Variants in XKR4 observed in about 807,000 individuals in gnomAD.
XKR4 encodes XK-related protein 4.
In XKR4, 12 loss-of-function variants were observed where a neutral mutation model predicts 53.9. That is an observed-to-expected ratio of 0.22 (90% CI 0.14 to 0.36). The LOEUF is 0.36. XKR4 is among the 10% of genes least tolerant of loss of function. The pLI, the probability that XKR4 is intolerant of heterozygous loss-of-function variation, is 1.00. For missense variants in XKR4, 799 were observed against 859.5 expected (o/e 0.93, Z 0.88); for synonymous variants, 354 against 362.4 (o/e 0.98, Z 0.26).
chr8:55,367,830 C>T (rs565496202), intron 2 of XKR4, among the ~76,000 whole-genome samples: 64 of 152,320 alleles, frequency 4.2e-4, no homozygotes, highest in African/African-American at 1.5e-3. Context: ...TTTGCTGCCT[C>T]CGCTGATAAC....
intron 1 of XKR4, among the ~76,000 whole-genome samples, chr8:55,238,820 C>A (rs1818169430): frequency 6.6e-6 from 1 of 152,182 alleles, no homozygotes; most frequent in African/African-American, 2.4e-5. Flanking sequence ...TTCATCCATC[C>A]ATGTTAGCAA....
At chr8:55,405,507 T>C (rs922362259) in intron 2 of XKR4, among the ~76,000 whole-genome samples, 4 of 152,190 alleles carry the variant, frequency 2.6e-5, no homozygotes, top group East Asian at 1.9e-4. Context: ...CAAGATTCTA[T>C]CAGTGCAGAG....
At chr8:55,449,893 G>C in intron 2 of XKR4, 2 of 904,144 alleles carry the variant, frequency 2.2e-6, no homozygotes, top group African/African-American at 1.6e-5. Flanking sequence ...GCCGCAGGCA[G>C]CCTGGCGGGA....
intron 2 of XKR4, chr8:55,450,890 C>A: frequency 2.1e-6 from 1 of 475,616 alleles, no homozygotes. Context: ...CCAGCACCGA[C>A]ACCTGCAGCA....
intron 2 of XKR4, among the ~76,000 whole-genome samples, chr8:55,382,256 T>C (rs1804245293): frequency 6.6e-6 from 1 of 152,238 alleles, no homozygotes; most frequent in Non-Finnish European, 1.5e-5. Context: ...TGAATGAAAG[T>C]AGTCATTGAC....
chr8:55,259,217 A>G (rs1306716359), intron 1 of XKR4, among the ~76,000 whole-genome samples: 5 of 152,226 alleles, frequency 3.3e-5, no homozygotes, highest in Non-Finnish European at 7.3e-5. Context: ...CTTTAGATCC[A>G]TGATTCTGGG....
chr8:55,396,691 G>C (rs1288358696), intron 2 of XKR4, among the ~76,000 whole-genome samples: 1 of 152,144 alleles, frequency 6.6e-6, no homozygotes, highest in Non-Finnish European at 1.5e-5. Flanking sequence ...TTTGTGTGGT[G>C]ATTTCTTCAA....
At chr8:55,113,076 G>A (rs1816255129) in intron 1 of XKR4, among the ~76,000 whole-genome samples, 1 of 152,040 alleles carries the variant, frequency 6.6e-6, no homozygotes, top group Non-Finnish European at 1.5e-5. Flanking sequence ...TCATCCTAAG[G>A]AAAGCACCAA....
At position 55,535,391 on chromosome 8, in the gene XKR4, A is replaced by G. The variant is rs756727102; in HGVS notation, c.*11164A>G. 2.6e-5 allele frequency: 2 copies of G among 76,768 alleles called. No individual in the cohort carries two copies. Among genetic ancestry groups the G allele is most frequent in the African/African-American group, 1.0e-4 (2 of 19,084 alleles). 4.8% of individuals were successfully genotyped at this position (76,768 alleles called of 1,614,324 possible). A position where few individuals can be genotyped will look rare whatever the true frequency, so the allele number is the denominator to read the frequency against. ...TCCCTCCCCCCTCCCCCCACCCCAC[A>G]ACACTCCCCGGTGTGTGATGTTCCC... On this transcript the variant is annotated 3_prime_UTR_variant, in exon 3 of 3. Coordinates refer to ENST00000327381, the MANE Select transcript of XKR4 (RefSeq NM_052898.2).
intron 2 of XKR4, among the ~76,000 whole-genome samples, chr8:55,429,839 G>T (rs1255301245): frequency 6.6e-6 from 1 of 152,058 alleles, no homozygotes; most frequent in East Asian, 1.9e-4. Flanking sequence ...GTTAAGGGGA[G>T]AAACAAGCTA....
rs575760686 is a variant in XKR4, at chr8:55,453,766, C to A, written c.1007-69515C>A. On this transcript the variant is annotated intron_variant, in intron 2 of 2. Transcript: ENST00000327381. ...ACAGGTTCTTGTTCTTGCAGAGCTG[C>A]TCTACCAGTTCTTGGATGTGATGCA... The A allele has an allele frequency of 1.1e-3, 454 of 399,204 alleles. 1 individual carries two copies. Among genetic ancestry groups the A allele is most frequent in the African/African-American group, 8.7e-3 (425 of 48,740 alleles). 24.7% of individuals were successfully genotyped at this position (399,204 alleles called of 1,614,324 possible). A position where few individuals can be genotyped will look rare whatever the true frequency, so the allele number is the denominator to read the frequency against.
rs114113346 is a variant in XKR4, at chr8:55,483,552, G to A, written c.1007-39729G>A. ...GATCCCCTCACTCATGGGTGATCAC[G>A]GATGCCAGGTGGAAACACTTGAAAA... On this transcript the variant is annotated intron_variant, in intron 2 of 2. Coordinates refer to ENST00000327381, the MANE Select transcript of XKR4 (RefSeq NM_052898.2). Among the ~76,000 whole-genome samples the A allele has an allele frequency of 6.5e-3, 988 of 152,046 alleles. 13 individuals are homozygous for A. Among genetic ancestry groups the A allele is most frequent in the African/African-American group, 0.022 (916 of 41,474 alleles).
chr8:55,317,874 G>A (rs1045472007), intron 1 of XKR4, among the ~76,000 whole-genome samples: 7 of 152,222 alleles, frequency 4.6e-5, no homozygotes, highest in Non-Finnish European at 8.8e-5. Context: ...GCAGAATTCT[G>A]AGCCCAAGGA....
At chr8:55,399,677 C>T (rs1343868305) in intron 2 of XKR4, among the ~76,000 whole-genome samples, 3 of 152,164 alleles carry the variant, frequency 2.0e-5, no homozygotes, top group Non-Finnish European at 2.9e-5. Context: ...CATGGGCGCT[C>T]GTGCCAATGC....
Position 55,131,163 on chromosome 8 carries a change from A to AAACAACAACAACGACAAC in XKR4, c.806+27881_806+27882insGACAACAACAACAACAAC, listed in dbSNP as rs1554561784. Among the ~76,000 whole-genome samples, 11 of 150,210 alleles carry AAACAACAACAACGACAAC rather than the reference A, an allele frequency of 7.3e-5. 1 individual carries two copies. Among genetic ancestry groups the AAACAACAACAACGACAAC allele is most frequent in the Admixed American group, 7.3e-4 (11 of 15,032 alleles). On this transcript the variant is annotated intron_variant, in intron 1 of 2. Coordinates refer to ENST00000327381, the MANE Select transcript of XKR4 (RefSeq NM_052898.2). ...AACAAGAGCGAAATGGCTGTCTCAA[A>AAACAACAACAACGACAAC]AACAACAACAACAACAACAACAAAT...
At chr8:55,359,417 C>T (rs1585537512) in intron 2 of XKR4, among the ~76,000 whole-genome samples, 1 of 152,166 alleles carries the variant, frequency 6.6e-6, no homozygotes, top group Admixed American at 6.5e-5. Flanking sequence ...TCAATGAATT[C>T]CCAATAGGCA....
chr8:55,197,822 C>T (rs1253491625), intron 1 of XKR4, among the ~76,000 whole-genome samples: 3 of 152,230 alleles, frequency 2.0e-5, no homozygotes, highest in South Asian at 2.1e-4. Flanking sequence ...GGATTACAGG[C>T]GTGAGCCACC....
chr8:55,382,746 C>T (rs922881990), intron 2 of XKR4, among the ~76,000 whole-genome samples: 7 of 152,104 alleles, frequency 4.6e-5, no homozygotes, highest in African/African-American at 1.7e-4. Flanking sequence ...TTTATCAATA[C>T]TTGATTTCTT....
chr8:55,454,308 C>A, intron 2 of XKR4: 1 of 1,471,834 alleles, frequency 6.8e-7, no homozygotes, highest in Non-Finnish European at 9.5e-7. Context: ...GCATTGACCC[C>A]GATTATGAAG....
Sources: allele counts gnomAD v4.1 joint callset (sites outside exome capture counted in the v4.1 genomes callset), GRCh38; gene constraint gnomAD v4.1.1; transcripts MANE v1.5; gene names NCBI Gene and HGNC (gene_info 2026-07-23, HGNC 2026-07-21).